KCNIP1: variants seen among roughly 807,000 people sequenced by gnomAD.
KCNIP1 encodes A-type potassium channel modulatory protein KCNIP1.
A neutral mutation model predicts 33.0 loss-of-function variants in KCNIP1; 18 were observed. The ratio of observed to expected loss-of-function variants is 0.55; its 90% CI spans 0.38 to 0.81. The LOEUF (loss-of-function observed/expected upper bound fraction) is 0.81. Among genes scored for constraint, KCNIP1 ranks in the 30% least tolerant of loss-of-function variants. The probability of loss-of-function intolerance (pLI) is 0.00; values close to 1 mark genes in which losing one functional copy is unlikely to be tolerated. For synonymous variants in KCNIP1, 93 were observed against 98.3 expected (o/e 0.95, Z 0.32); for missense variants, 238 against 271.6 (o/e 0.88, Z 0.87).
intron 1 of KCNIP1, among the ~76,000 whole-genome samples, chr5:170,675,232 G>A (rs74920586): frequency 0.074 from 11,248 of 151,962 alleles, 505 homozygotes; most frequent in South Asian, 0.087. Flanking sequence ...CCAGGGGGCT[G>A]AGGCTGCAGT....
intron 1 of KCNIP1, among the ~76,000 whole-genome samples, chr5:170,492,715 G>C (rs1193908144): frequency 4.6e-5 from 7 of 152,060 alleles, no homozygotes; most frequent in African/African-American, 1.7e-4. Flanking sequence ...GGTTTTAGGG[G>C]CTTTGTGCTA....
chr5:170,679,812 T>C (rs561896539), intron 1 of KCNIP1, among the ~76,000 whole-genome samples: 2 of 152,078 alleles, frequency 1.3e-5, no homozygotes, highest in Non-Finnish European at 2.9e-5. Context: ...GCTCACATGG[T>C]ACTCCTTTTA....
chr5:170,666,659 C>T (rs548465283), intron 1 of KCNIP1, among the ~76,000 whole-genome samples: 4 of 152,318 alleles, frequency 2.6e-5, no homozygotes, highest in African/African-American at 9.6e-5. Flanking sequence ...GGTCTTTTTG[C>T]TAGTTGCTGG....
At chr5:170,464,416 C>T (rs1185648671) in intron 1 of KCNIP1, among the ~76,000 whole-genome samples, 2 of 152,168 alleles carry the variant, frequency 1.3e-5, no homozygotes, top group Non-Finnish European at 2.9e-5. Flanking sequence ...TTGCAAGTGA[C>T]CCCAAATAGC....
At chr5:170,584,735 G>A (rs1757924447) in intron 1 of KCNIP1, among the ~76,000 whole-genome samples, 3 of 152,154 alleles carry the variant, frequency 2.0e-5, no homozygotes. Flanking sequence ...TGACTCATAT[G>A]CTCCTTTTTT....
At chr5:170,424,229 G>A (rs1296541130) in intron 1 of KCNIP1, among the ~76,000 whole-genome samples, 1 of 152,198 alleles carries the variant, frequency 6.6e-6, no homozygotes, top group East Asian at 1.9e-4. Flanking sequence ...GGAATGAAGA[G>A]CAGGCACGAA....
In KCNIP1 at chr5:170,394,459, G is replaced by A. The variant is rs115283376; in HGVS notation, c.88+40495G>A. On this transcript the variant is annotated intron_variant, in intron 1 of 7. Coordinates refer to the KCNIP1 transcript ENST00000377360. ...AAGATCTTGCGGTTTTGTTGTCATC[G>A]TGCTTTGGTTTTCGGGAAAAAAAAT... 5.7e-3 allele frequency among the ~76,000 whole-genome samples: 859 copies of A among 151,002 alleles called. 5 individuals are homozygous for A. The highest frequency in any genetic ancestry group is 0.02 in the African/African-American group (822 of 41,428).
At chr5:170,394,227 C>T (rs545244851) in intron 1 of KCNIP1, among the ~76,000 whole-genome samples, 2 of 152,354 alleles carry the variant, frequency 1.3e-5, no homozygotes, top group East Asian at 1.9e-4. Flanking sequence ...CTCTCCGCGC[C>T]TCCTGGGCCA....
At chr5:170,543,464 A>G (rs1274485543) in intron 1 of KCNIP1, among the ~76,000 whole-genome samples, 1 of 152,228 alleles carries the variant, frequency 6.6e-6, no homozygotes, top group Non-Finnish European at 1.5e-5. Flanking sequence ...TTAGTGTCAA[A>G]TGAGTTAATT....
intron 1 of KCNIP1, among the ~76,000 whole-genome samples, chr5:170,705,971 G>A (rs1308288795): frequency 6.6e-6 from 1 of 152,116 alleles, no homozygotes; most frequent in Admixed American, 6.5e-5. Context: ...CTGCAAGGTG[G>A]GTATGATTCT....
intron 1 of KCNIP1, among the ~76,000 whole-genome samples, chr5:170,409,895 A>G (rs1294464629): frequency 1.3e-5 from 2 of 152,266 alleles, no homozygotes; most frequent in Non-Finnish European, 2.9e-5. Context: ...ATACCCAGAA[A>G]GAACTTAGAT....
intron 1 of KCNIP1, among the ~76,000 whole-genome samples, chr5:170,563,203 C>A (rs529868359): frequency 2.1e-4 from 32 of 152,322 alleles, no homozygotes; most frequent in Middle Eastern, 3.4e-3. Context: ...ATTTGGCAGG[C>A]GCTGCTGCTC....
chr5:170,707,972 G>T (rs1449688723), intron 1 of KCNIP1, among the ~76,000 whole-genome samples: 1 of 152,016 alleles, frequency 6.6e-6, no homozygotes, highest in Non-Finnish European at 1.5e-5. Flanking sequence ...AAAATACGTG[G>T]AACACTCAGA....
rs11423617 is a variant in KCNIP1, at chr5:170,428,424, CTT to C, written c.88+74472_88+74473del. On this transcript the variant is annotated intron_variant, in intron 1 of 7. Coordinates refer to the KCNIP1 transcript ENST00000377360. Reference sequence around the variant, plus strand: ...GAGCTAGATTTGGGCTTAATGCTGTCTTTTTTTTTTTTTATTAAAACAATATT... The same window carrying C: ...GAGCTAGATTTGGGCTTAATGCTGTCTTTTTTTTTTTATTAAAACAATATT... Among the ~76,000 whole-genome samples the C allele has an allele frequency of 3.5e-3, 523 of 148,982 alleles. 4 individuals carry two copies. The highest frequency in any genetic ancestry group is 0.011 in the African/African-American group (443 of 40,464).
chr5:170,430,206 G>A lies in KCNIP1; in HGVS notation c.88+76242G>A, dbSNP rs187770145. ...TGTTGGTCTGGATGGTGTGGTGGGC[G>A]GAAGGTAGGACCCAATAGGGGCTTT... On this transcript the variant is annotated intron_variant, in intron 1 of 7. Coordinates refer to the KCNIP1 transcript ENST00000377360. 3.9e-5 allele frequency among the ~76,000 whole-genome samples: 6 copies of A among 152,322 alleles called. 1 individual carries two copies. Among genetic ancestry groups the A allele is most frequent in the African/African-American group, 1.4e-4 (6 of 41,564 alleles).
chr5:170,462,766 T>C (rs1402179383), intron 1 of KCNIP1, among the ~76,000 whole-genome samples: 2 of 151,432 alleles, frequency 1.3e-5, no homozygotes, highest in African/African-American at 4.8e-5. Context: ...TATATATATA[T>C]ATAAATGGAA....
At chr5:170,426,173 C>T (rs1755608618) in intron 1 of KCNIP1, among the ~76,000 whole-genome samples, 1 of 152,036 alleles carries the variant, frequency 6.6e-6, no homozygotes, top group African/African-American at 2.4e-5. Flanking sequence ...GGGACTGGTT[C>T]TCTTAGGCCC....
chr5:170,667,028 T>C (rs1761730579), intron 1 of KCNIP1, among the ~76,000 whole-genome samples: 1 of 152,216 alleles, frequency 6.6e-6, no homozygotes, highest in Non-Finnish European at 1.5e-5. Flanking sequence ...AAGTAAAAAC[T>C]GTCGGCTGGG....
chr5:170,385,195 T>C, intron 1 of KCNIP1: 1 of 1,119,084 alleles, frequency 8.9e-7, no homozygotes, highest in South Asian at 1.4e-5. Context: ...AGCATCGTCT[T>C]GACCCTGCTG....
Sources: allele counts gnomAD v4.1 joint callset (sites outside exome capture counted in the v4.1 genomes callset), GRCh38; gene constraint gnomAD v4.1.1; transcripts MANE v1.5; gene names NCBI Gene and HGNC (gene_info 2026-07-23, HGNC 2026-07-21).